EFHD1: variants seen among roughly 807,000 people sequenced by gnomAD.
The protein encoded by EFHD1 is EF-hand domain family member D1.
Under a neutral mutation model 17.2 loss-of-function variants are expected in EFHD1, and 10 were observed. That is an observed-to-expected ratio of 0.58 (90% CI 0.36 to 0.99). The LOEUF (loss-of-function observed/expected upper bound fraction) is 0.99, where lower values mean the gene tolerates loss of function less well. Among genes scored for constraint, EFHD1 ranks in the 50% least tolerant of loss-of-function variants. EFHD1 has a pLI of 0.01. For missense variants in EFHD1, 310 were observed against 327.5 expected (o/e 0.95, Z 0.41); for synonymous variants, 153 against 142.0 (o/e 1.08, Z -0.55).
At chr2:232,660,972 C>T (rs148972585) in intron 1 of EFHD1, among the ~76,000 whole-genome samples, 9 of 151,588 alleles carry the variant, frequency 5.9e-5, no homozygotes, top group East Asian at 3.9e-4. Flanking sequence ...AGCCAGACTC[C>T]GTCTCAAAAA....
chr2:232,662,329 C>T (rs941206891), intron 1 of EFHD1, among the ~76,000 whole-genome samples: 3 of 151,930 alleles, frequency 2.0e-5, no homozygotes, highest in African/African-American at 4.8e-5. Context: ...AGACCTGGGA[C>T]GGAAAGGCGG....
chr2:232,658,897 TTA>T (rs2106208972), intron 1 of EFHD1, among the ~76,000 whole-genome samples: 1 of 152,308 alleles, frequency 6.6e-6, no homozygotes, highest in African/African-American at 2.4e-5. Flanking sequence ...GGTATGTTAA[TTA>T]TATCTCAGTA....
At chr2:232,652,756 G>A (rs1227790574) in intron 1 of EFHD1, among the ~76,000 whole-genome samples, 4 of 152,084 alleles carry the variant, frequency 2.6e-5, no homozygotes, top group Admixed American at 2.6e-4. Context: ...GTAGACATCA[G>A]GCATTTTGAG....
At chr2:232,634,032 C>G (rs368439739) in intron 1 of EFHD1, 26 bp downstream of exon 1, 1 of 1,595,182 alleles carries the variant, frequency 6.3e-7, no homozygotes. Context: ...GCGCCCTTCG[C>G]CCCCGGGACC....
intron 1 of EFHD1, among the ~76,000 whole-genome samples, chr2:232,660,694 C>G (rs938221457): frequency 6.6e-6 from 1 of 151,818 alleles, no homozygotes; most frequent in Non-Finnish European, 1.5e-5. Flanking sequence ...TAAAATTGAC[C>G]AGGCCAGGTG....
intron 2 of EFHD1, among the ~76,000 whole-genome samples, chr2:232,667,536 AATTAATTTATTT>A (rs1489497779): frequency 1.3e-5 from 2 of 150,474 alleles, no homozygotes; most frequent in South Asian, 2.1e-4. Flanking sequence ...TTAATTAATT[AATTAATTTATTT>A]ATTTATTTAT....
At chr2:232,623,504 T>G (rs1694053417) in intron 1 of EFHD1, among the ~76,000 whole-genome samples, 1 of 150,424 alleles carries the variant, frequency 6.6e-6, no homozygotes, top group African/African-American at 2.4e-5. Context: ...TGAAACCGCG[T>G]CTCTACTAAA....
At chr2:232,670,625 TAAA>T (rs1417164448) in intron 2 of EFHD1, among the ~76,000 whole-genome samples, 1 of 147,390 alleles carries the variant, frequency 6.8e-6, no homozygotes, top group East Asian at 2.0e-4. Context: ...ACATGATAAA[TAAA>T]AATAAATTTC....
intron 1 of EFHD1, among the ~76,000 whole-genome samples, chr2:232,638,824 C>T (rs1006680342): frequency 6.6e-6 from 1 of 152,154 alleles, no homozygotes; most frequent in African/African-American, 2.4e-5. Context: ...CAGTGATCAC[C>T]TTAGATGTGA....
chr2:232,638,189 AAGG>A, intron 1 of EFHD1: 3 of 363,808 alleles, frequency 8.2e-6, no homozygotes, highest in South Asian at 2.3e-5. Context: ...TGGAGCAGTC[AAGG>A]TTAGACAGGA....
chr2:232,606,444 G>T, intron 1 of EFHD1: 1 of 574,412 alleles, frequency 1.7e-6, no homozygotes, highest in Non-Finnish European at 3.1e-6. Context: ...GTGTGCTGAA[G>T]TCCCCATCGT....
intron 1 of EFHD1, among the ~76,000 whole-genome samples, chr2:232,635,824 G>GGA (rs1188322742): frequency 8.9e-5 from 13 of 145,930 alleles, no homozygotes; most frequent in African/African-American, 3.2e-4. Context: ...GTCTCAAGGG[G>GGA]AAAAAAAAAA....
At chr2:232,608,433 A>G (rs948181156) in intron 1 of EFHD1, among the ~76,000 whole-genome samples, 1 of 152,248 alleles carries the variant, frequency 6.6e-6, no homozygotes, top group African/African-American at 2.4e-5. Context: ...TCTTTAGATT[A>G]CTTATAATAC....
intron 3 of EFHD1, among the ~76,000 whole-genome samples, chr2:232,674,389 C>T (rs142128880): frequency 2.6e-5 from 4 of 152,304 alleles, no homozygotes; most frequent in African/African-American, 9.6e-5. Context: ...GACAGATGTC[C>T]AGAATAAATG....
At chr2:232,633,465 A>G, upstream of EFHD1, 1 of 1,229,280 alleles carries the variant, frequency 8.1e-7, no homozygotes. Flanking sequence ...GCAGACACCC[A>G]GACACCGGCG....
intron 3 of EFHD1, 75 bp from the exon 4 acceptor site, chr2:232,681,510 G>T: frequency 1.9e-6 from 3 of 1,553,284 alleles, no homozygotes; most frequent in African/African-American, 1.4e-5. Flanking sequence ...ATGGGCTGTT[G>T]GCTCAGGTGT....
chr2:232,665,258 C>G (rs1034254577), intron 2 of EFHD1, among the ~76,000 whole-genome samples: 1 of 152,054 alleles, frequency 6.6e-6, no homozygotes, highest in African/African-American at 2.4e-5. Flanking sequence ...TGGCTAAGAA[C>G]GTCTGAGAAA....
intron 1 of EFHD1, among the ~76,000 whole-genome samples, chr2:232,622,016 A>G (rs538151196): frequency 9.8e-5 from 15 of 152,346 alleles, no homozygotes; most frequent in African/African-American, 3.1e-4. Flanking sequence ...TGAATGAAGT[A>G]TCATCTCCCC....
intron 1 of EFHD1, 65 bp from the exon 2 acceptor site, chr2:232,662,737 A>G (rs1559353041): frequency 6.5e-7 from 1 of 1,542,040 alleles, no homozygotes; most frequent in Non-Finnish European, 8.7e-7. Context: ...AGCCAAAGGA[A>G]TTACATGTTT....
Sources: gnomAD v4.1 joint callset for allele counts (sites outside exome capture counted in the v4.1 genomes callset) on GRCh38, gnomAD v4.1.1 for gene constraint, MANE v1.5 for transcripts, NCBI Gene and HGNC (gene_info 2026-07-23, HGNC 2026-07-21) for gene names.